Variants in VANGL1 observed in about 807,000 individuals in gnomAD.
VANGL1 encodes the protein vang-like protein 1.
A neutral mutation model predicts 48.4 loss-of-function variants in VANGL1; 18 were observed. The ratio of observed to expected loss-of-function variants is 0.37; its 90% confidence interval spans 0.26 to 0.55. The LOEUF (loss-of-function observed/expected upper bound fraction) is 0.55. VANGL1 is among the 20% of genes least tolerant of loss of function. The probability of loss-of-function intolerance (pLI) is 0.81; values close to 1 mark genes in which losing one functional copy is unlikely to be tolerated. For synonymous variants in VANGL1, 257 were observed against 261.8 expected, an observed-to-expected ratio of 0.98 and a Z score of 0.18; for missense variants, 667 against 675.8, an observed-to-expected ratio of 0.99 and a Z score of 0.14.
At chr1:115,662,975 CG>C (rs1299149263) in intron 3 of VANGL1, among the ~76,000 whole-genome samples, 1 of 151,996 alleles carries the variant, frequency 6.6e-6, no homozygotes, top group Non-Finnish European at 1.5e-5. Flanking sequence ...TTAGTAGAGA[CG>C]GGGTTTCACC....
At chr1:115,664,353 C>A in intron 4 of VANGL1, 85 bp downstream of exon 4, 1 of 1,541,892 alleles carries the variant, frequency 6.5e-7, no homozygotes, top group South Asian at 1.2e-5. Context: ...GGGGTGGTGA[C>A]AGATGCCAAG....
At chr1:115,665,283 G>A (rs562541855) in intron 4 of VANGL1, among the ~76,000 whole-genome samples, 1 of 152,342 alleles carries the variant, frequency 6.6e-6, no homozygotes, top group South Asian at 2.1e-4. Context: ...TGAATGCAGA[G>A]CCTGGGACAT....
chr1:115,683,160 AT>A (rs61197171), intron 5 of VANGL1, among the ~76,000 whole-genome samples: 1 of 151,518 alleles, frequency 6.6e-6, no homozygotes, highest in Non-Finnish European at 1.5e-5. Flanking sequence ...TTGTTTGTTC[AT>A]TTTTTTTTGG....
At position 115,692,655 on chromosome 1, in the gene VANGL1, AC is replaced by A. The variant is rs1653885953; in HGVS notation, c.*1277del. ...TTCATCTGTGGTCTGTCTGTTAAAC[AC>A]AGCTGATTTCAGTGGGCTTTCCCCT... is the stretch of plus-strand genomic sequence containing the variant. On this transcript the variant is annotated 3_prime_UTR_variant, in exon 8 of 8. Transcript: ENST00000355485. 6.5e-6 allele frequency: 1 copy of A among 152,740 alleles called. No individual in the cohort carries two copies. Among genetic ancestry groups the A allele is most frequent in the Non-Finnish European group, 1.5e-5 (1 of 68,110 alleles). The allele number at this position is 152,740 out of a possible 1,614,324, so 9.5% of individuals were successfully genotyped here. A position where few individuals can be genotyped will look rare whatever the true frequency, so the allele number is the denominator to read the frequency against.
chr1:115,664,015 G>C lies in VANGL1; in HGVS notation c.559G>C (p.Ala187Pro), dbSNP rs758450631. ...ADMPRVFVFR[A>P]LLLVLIFLFV... ...CATGCCACGGGTGTTTGTGTTTCGT[G>C]CCCTTTTGTTGGTCCTCATCTTTCT... Residue 187 changes from alanine to proline, a missense_variant, in exon 4 of 8, where the codon GCC (alanine) becomes CCC (proline). Transcript: ENST00000355485. 1.9e-6 allele frequency: 3 copies of C among 1,614,048 alleles called. No individual in the cohort carries two copies. Among genetic ancestry groups the C allele is most frequent in the African/African-American group, 2.7e-5 (2 of 74,902 alleles).
chr1:115,657,225 C>G (rs1305575559), intron 2 of VANGL1, among the ~76,000 whole-genome samples: 2 of 152,198 alleles, frequency 1.3e-5, no homozygotes, highest in Admixed American at 1.3e-4. Flanking sequence ...CTAGCAATAG[C>G]TTCAAGGCAT....
At chr1:115,658,379 C>T (rs546557343) in intron 2 of VANGL1, among the ~76,000 whole-genome samples, 3 of 152,368 alleles carry the variant, frequency 2.0e-5, no homozygotes, top group Admixed American at 1.3e-4. Flanking sequence ...CATTCTTTGA[C>T]ACTGGCTAAT....
intron 4 of VANGL1, among the ~76,000 whole-genome samples, chr1:115,666,266 A>T (rs1300976151): frequency 6.6e-6 from 1 of 152,160 alleles, no homozygotes; most frequent in East Asian, 1.9e-4. Context: ...TTCTCACCAT[A>T]GGTCATGCAG....
At chr1:115,665,851 A>G (rs2101007773) in intron 4 of VANGL1, among the ~76,000 whole-genome samples, 1 of 152,346 alleles carries the variant, frequency 6.6e-6, no homozygotes, top group Non-Finnish European at 1.5e-5. Context: ...TGCTGTGTGC[A>G]GAGCCCTGGA....
intron 1 of VANGL1, among the ~76,000 whole-genome samples, chr1:115,646,047 C>T (rs1651899443): frequency 6.6e-6 from 1 of 152,150 alleles, no homozygotes; most frequent in African/African-American, 2.4e-5. Context: ...TTATTTCCTT[C>T]ATACGATTTG....
Position 115,695,477 on chromosome 1 carries a change from C to T in VANGL1, c.*4098C>T, listed in dbSNP as rs577985242. The T allele has an allele frequency of 2.0e-5, 3 of 152,702 alleles. No individual in the cohort carries two copies. Among genetic ancestry groups the T allele is most frequent in the African/African-American group, 7.2e-5 (3 of 41,544 alleles). 9.5% of individuals were successfully genotyped at this position (152,702 alleles called of 1,614,324 possible). ...AAATAAGAATTGCTCTTCTGCCCAC[C>T]GTTCTTGATTGGTATTCAGTGCAGT... is the stretch of plus-strand genomic sequence containing the variant. On this transcript the variant is annotated 3_prime_UTR_variant, in exon 8 of 8. Coordinates refer to ENST00000355485, the MANE Select transcript of VANGL1 (RefSeq NM_138959.3).
intron 4 of VANGL1, among the ~76,000 whole-genome samples, chr1:115,680,779 G>T (rs901296047): frequency 6.6e-6 from 1 of 152,184 alleles, no homozygotes; most frequent in Non-Finnish European, 1.5e-5. Context: ...GAGCTCCCTT[G>T]TCTTGGTGTG....
chr1:115,650,939 G>A (rs1256374469), intron 1 of VANGL1, among the ~76,000 whole-genome samples: 1 of 151,898 alleles, frequency 6.6e-6, no homozygotes, highest in Non-Finnish European at 1.5e-5. Context: ...GCAGTGGGGG[G>A]CTGGGCATTG....
At chr1:115,662,243 T>A (rs1246774644) in intron 3 of VANGL1, among the ~76,000 whole-genome samples, 1 of 152,200 alleles carries the variant, frequency 6.6e-6, no homozygotes, top group Non-Finnish European at 1.5e-5. Context: ...CATTACTAGA[T>A]TCGGAGTTAT....
At chr1:115,670,059 C>T (rs1423831197) in intron 4 of VANGL1, among the ~76,000 whole-genome samples, 1 of 152,058 alleles carries the variant, frequency 6.6e-6, no homozygotes, top group Non-Finnish European at 1.5e-5. Flanking sequence ...GGCCCTGATC[C>T]CATAGGACTG....
chr1:115,655,042 AAG>A (rs1652290983), intron 2 of VANGL1, among the ~76,000 whole-genome samples: 1 of 152,228 alleles, frequency 6.6e-6, no homozygotes, highest in Admixed American at 6.5e-5. Flanking sequence ...AATGCACAAA[AAG>A]AGGGCCGCCG....
chr1:115,663,523 A>G, intron 3 of VANGL1, 138 bp from the exon 4 acceptor site: 1 of 1,189,374 alleles, frequency 8.4e-7, no homozygotes, highest in Admixed American at 2.3e-5. Flanking sequence ...TCTAATATTT[A>G]AAGAGTTAAG....
At chr1:115,689,015 T>C (rs2101037348) in intron 7 of VANGL1, among the ~76,000 whole-genome samples, 2 of 136,226 alleles carry the variant, frequency 1.5e-5, no homozygotes, top group African/African-American at 5.5e-5. Flanking sequence ...ATGGTCTCAA[T>C]CTCCTGACCT....
chr1:115,680,031 G>GTGTGTGTGT (rs1557773486), intron 4 of VANGL1, among the ~76,000 whole-genome samples: 3 of 143,950 alleles, frequency 2.1e-5, no homozygotes, highest in East Asian at 4.2e-4. Context: ...GTATGTGAGA[G>GTGTGTGTGT]AGAGAGAGAG....
Sources: allele counts gnomAD v4.1 joint callset (sites outside exome capture counted in the v4.1 genomes callset), GRCh38; gene constraint gnomAD v4.1.1; transcripts MANE v1.5; gene names NCBI Gene and HGNC (gene_info 2026-07-23, HGNC 2026-07-21).